Variants in DNAH14 observed in about 807,000 individuals in gnomAD.
DNAH14 encodes dynein axonemal heavy chain 14, also known as axonemal beta dynein heavy chain 14.
Under a neutral mutation model 520.9 loss-of-function variants are expected in DNAH14, and 478 were observed. The ratio of observed to expected loss-of-function variants is 0.92; its 90% CI spans 0.85 to 0.99. DNAH14 has a LOEUF of 0.99. Among genes scored for constraint, DNAH14 ranks in the 50% least tolerant of loss-of-function variants. The pLI, the probability that DNAH14 is intolerant of heterozygous loss-of-function variation, is 0.00. For synonymous variants in DNAH14, 1,581 were observed against 1,757.2 expected, an observed-to-expected ratio of 0.90 and a Z score of 2.51; for missense variants, 4,831 against 5,234.5, an observed-to-expected ratio of 0.92 and a Z score of 2.38.
chr1:225,338,213 G>T, intron 68 of DNAH14, 31 bp downstream of exon 68: 1 of 1,551,376 alleles, frequency 6.4e-7, no homozygotes, highest in Non-Finnish European at 8.7e-7. Context: ...TGAGTCAAAT[G>T]TCTATGCTTT....
At chr1:224,991,198 G>A (rs1287090516) in intron 8 of DNAH14, among the ~76,000 whole-genome samples, 3 of 145,960 alleles carry the variant, frequency 2.1e-5, no homozygotes, top group African/African-American at 7.6e-5. Context: ...GGGTTCAAGC[G>A]ATTCTCCTGC....
At chr1:224,994,132 A>G (rs562617989) in intron 8 of DNAH14, among the ~76,000 whole-genome samples, 2 of 152,130 alleles carry the variant, frequency 1.3e-5, no homozygotes, top group African/African-American at 4.8e-5. Context: ...TTTTGTGTGC[A>G]CTTGAGAACA....
At chr1:224,934,279 A>T (rs1276989814) in intron 1 of DNAH14, among the ~76,000 whole-genome samples, 1 of 152,010 alleles carries the variant, frequency 6.6e-6, no homozygotes, top group Non-Finnish European at 1.5e-5. Context: ...AAATACAAAT[A>T]AATCAGAAGA....
At chr1:225,081,287 A>G (rs946381107) in intron 19 of DNAH14, among the ~76,000 whole-genome samples, 1 of 152,198 alleles carries the variant, frequency 6.6e-6, no homozygotes, top group Admixed American at 6.5e-5. Flanking sequence ...CTCCTCCCCT[A>G]TCACTCAGCT....
At chr1:225,358,885 A>G (rs778009276) in intron 74 of DNAH14, among the ~76,000 whole-genome samples, 5 of 152,158 alleles carry the variant, frequency 3.3e-5, no homozygotes, top group Non-Finnish European at 7.4e-5. Flanking sequence ...GGCACTCACT[A>G]CGTCCTGCCA....
At chr1:225,210,536 A>G (rs2088234493) in intron 41 of DNAH14, among the ~76,000 whole-genome samples, 1 of 150,714 alleles carries the variant, frequency 6.6e-6, no homozygotes, top group South Asian at 2.1e-4. Context: ...TAAAACTCCC[A>G]TCTGCCTGGG....
chr1:224,952,854 T>C (rs1246057121), intron 2 of DNAH14, 75 bp downstream of exon 2: 2 of 1,039,148 alleles, frequency 1.9e-6, no homozygotes, highest in South Asian at 1.8e-5. Context: ...TGGTAAGCCA[T>C]TCTGACAGTG....
chr1:225,222,684 TCTAA>T (rs781289375), intron 41 of DNAH14, among the ~76,000 whole-genome samples: 6 of 152,158 alleles, frequency 3.9e-5, no homozygotes, highest in South Asian at 2.1e-4. Context: ...TTTACAAACC[TCTAA>T]CTAGCCACAG....
At chr1:224,945,518 T>A (rs1188533083) in intron 1 of DNAH14, among the ~76,000 whole-genome samples, 1 of 152,238 alleles carries the variant, frequency 6.6e-6, no homozygotes, top group African/African-American at 2.4e-5. Flanking sequence ...TCCAGCTTTG[T>A]TCCGTTGTTG....
At position 225,042,938 on chromosome 1, in the gene DNAH14, A is replaced by G; in HGVS notation, c.1592A>G (p.Glu531Gly). The change falls in exon 13 of 86, where the codon GAA (glutamate) becomes GGA (glycine). Residue 531 changes from glutamate to glycine, a missense_variant. By Grantham distance (98) the Glu-to-Gly change is moderately conservative (BLOSUM62 -2). Coordinates refer to ENST00000682510, the MANE Select transcript of DNAH14 (RefSeq NM_001367479.1). ...LRIPAESDSS[E>G]NSKENFHESD... ...ATTCCTGCTGAGAGTGATTCTTCAGAAAATTCTAAAGAGAACTTTCATGAG... is the reference window on the plus strand; with the variant it reads ...ATTCCTGCTGAGAGTGATTCTTCAGGAAATTCTAAAGAGAACTTTCATGAG... The G allele has an allele frequency of 6.4e-7, 1 of 1,551,886 alleles. No individual in the cohort carries two copies. The highest frequency in any genetic ancestry group is 1.4e-5 in the African/African-American group (1 of 73,188).
intron 60 of DNAH14, among the ~76,000 whole-genome samples, chr1:225,309,821 A>C (rs1198728454): frequency 6.6e-6 from 1 of 152,060 alleles, no homozygotes; most frequent in Non-Finnish European, 1.5e-5. Context: ...TGAACCTAGG[A>C]GGCGGAGATT....
At position 225,145,646 on chromosome 1, in the gene DNAH14, C is replaced by A. The variant is rs988772954; in HGVS notation, c.4794+267C>A. On this transcript the variant is annotated intron_variant, in intron 30 of 85. Transcript: ENST00000682510. Reference sequence around the variant, plus strand: ...CTTTTTTCAACAGTTGGATTCTTTTCAATAAAAAAACTTACATGGAACATG... The same window carrying A: ...CTTTTTTCAACAGTTGGATTCTTTTAAATAAAAAAACTTACATGGAACATG... Among the ~76,000 whole-genome samples, 148 of 152,142 alleles carry A rather than the reference C, an allele frequency of 9.7e-4. 1 individual carries two copies. Among genetic ancestry groups the A allele is most frequent in the African/African-American group, 3.2e-3 (131 of 41,530 alleles).
intron 27 of DNAH14, among the ~76,000 whole-genome samples, chr1:225,137,919 T>TC (rs2079097020): frequency 6.6e-6 from 1 of 152,134 alleles, no homozygotes; most frequent in South Asian, 2.1e-4. Flanking sequence ...CCCGGGGATC[T>TC]CCCTCCCGGG....
intron 36 of DNAH14, among the ~76,000 whole-genome samples, chr1:225,170,589 G>C (rs1195982353): frequency 3.9e-5 from 6 of 152,048 alleles, no homozygotes; most frequent in East Asian, 3.9e-4. Flanking sequence ...TATATATGCA[G>C]CCAATACAGG....
Position 225,346,371 on chromosome 1 carries a change from T to C in DNAH14, c.11088T>C (p.Ser3696=), listed in dbSNP as rs2095286118. Residue 3696 remains serine, a synonymous_variant, in exon 70 of 86, where the codon AGT becomes AGC. Coordinates refer to ENST00000682510, the MANE Select transcript of DNAH14 (RefSeq NM_001367479.1). ...IKSAIDMLTK[S]IFKVVSSALF... ...GTGCAATAGACATGTTGACAAAAAG[T>C]ATTTTTAAGGTGAGATATTCTTTAG... 5 of 1,524,050 alleles carry C rather than the reference T, an allele frequency of 3.3e-6. No homozygotes were observed. The highest frequency in any genetic ancestry group is 1.4e-5 in the African/African-American group (1 of 71,116). 94.4% of individuals were successfully genotyped at this position (1,524,050 alleles called of 1,614,324 possible). A position where few individuals can be genotyped will look rare whatever the true frequency, so the allele number is the denominator to read the frequency against.
At chr1:225,057,181 A>G (rs1272768408) in intron 17 of DNAH14, among the ~76,000 whole-genome samples, 1 of 152,212 alleles carries the variant, frequency 6.6e-6, no homozygotes, top group Admixed American at 6.5e-5. Context: ...ATGTTCTTCC[A>G]TTTGTTTGTA....
chr1:225,392,626 A>G (rs1405339111), intron 84 of DNAH14, among the ~76,000 whole-genome samples, 175 bp downstream of exon 84: 2 of 152,106 alleles, frequency 1.3e-5, no homozygotes, highest in Non-Finnish European at 2.9e-5. Context: ...CATGTCTTCC[A>G]CTCTCTTTCT....
Position 225,351,820 on chromosome 1 carries a change from A to G in DNAH14, c.11470A>G (p.Ile3824Val). 6.4e-7 allele frequency: 1 copy of G among 1,551,336 alleles called. No homozygotes were observed. Among genetic ancestry groups the G allele is most frequent in the Non-Finnish European group, 8.7e-7 (1 of 1,146,738 alleles). ...FKNSKAVYSL[I>V]STPFSSENAS... is the part of the protein sequence containing the mutation. ...GAACAGTAAAGCAGTTTATTCTCTG[A>G]TCAGCACACCTTTCTCTTCAGAAAA... Residue 3824 changes from isoleucine (I) to valine (V), a missense_variant, in exon 72 of 86, where the codon ATC becomes GTC. Ile to Val is a conservative substitution (Grantham distance 29). Coordinates refer to ENST00000682510, the MANE Select transcript of DNAH14 (RefSeq NM_001367479.1).
chr1:225,379,534 A>C (rs749818886), intron 79 of DNAH14, among the ~76,000 whole-genome samples: 1 of 151,240 alleles, frequency 6.6e-6, no homozygotes, highest in African/African-American at 2.4e-5. Flanking sequence ...TCTTTTTTTA[A>C]ATTTTTTTTT....
Sources: allele counts gnomAD v4.1 joint callset (sites outside exome capture counted in the v4.1 genomes callset), GRCh38; gene constraint gnomAD v4.1.1; transcripts MANE v1.5; gene names NCBI Gene and HGNC (gene_info 2026-07-23, HGNC 2026-07-21).